The following PMFBP1 variants were observed in gnomAD, a reference collection of about 807,000 sequenced individuals.
PMFBP1 encodes polyamine modulated factor 1 binding protein 1, also known as polyamine-modulated factor 1-binding protein 1.
In PMFBP1, 131 loss-of-function variants were observed where a neutral mutation model predicts 137.8. The ratio of observed to expected loss-of-function variants is 0.95; its 90% CI spans 0.82 to 1.10. The LOEUF (loss-of-function observed/expected upper bound fraction) is 1.10, where lower values mean the gene tolerates loss of function less well. Ranked by LOEUF, PMFBP1 falls within the 50% of genes least tolerant of loss-of-function variation. The probability of loss-of-function intolerance (pLI) is 0.00; values close to 1 mark genes in which losing one functional copy is unlikely to be tolerated. For synonymous variants in PMFBP1, 490 were observed against 450.4 expected (o/e 1.09, Z -1.11); for missense variants, 1,199 against 1,175.4 (o/e 1.02, Z -0.29).
chr16:72,160,838 T>C (rs1240298998), intron 3 of PMFBP1, among the ~76,000 whole-genome samples: 1 of 152,222 alleles, frequency 6.6e-6, no homozygotes, highest in Non-Finnish European at 1.5e-5. Context: ...ATTTGTGATA[T>C]GTATTCTTGG....
chr16:72,178,103 G>C (rs2043264668), upstream of PMFBP1, among the ~76,000 whole-genome samples: 1 of 152,062 alleles, frequency 6.6e-6, no homozygotes, highest in African/African-American at 2.4e-5. Context: ...ATGTTGCCAA[G>C]GCTAGTCTCA....
the PMFBP1 span, among the ~76,000 whole-genome samples, chr16:72,241,009 C>G: frequency 0.48 from 72,502 of 151,594 alleles, 18,728 homozygotes; most frequent in African/African-American, 0.67. Flanking sequence ...GGAGGGACTA[C>G]TTAACCTTGG....
At chr16:72,119,391 A>T (rs2042342560) in intron 20 of PMFBP1, 37 bp from the exon 21 acceptor site, 1 of 1,614,030 alleles carries the variant, frequency 6.2e-7, no homozygotes, top group Admixed American at 1.7e-5. Flanking sequence ...TTTTGATTCG[A>T]GGAGAAATTA....
chr16:72,205,962 C>G, the PMFBP1 span, among the ~76,000 whole-genome samples: 1 of 152,132 alleles, frequency 6.6e-6, no homozygotes, highest in Non-Finnish European at 1.5e-5. Context: ...ACAACAAACA[C>G]ACACACACAG....
At chr16:72,118,826 T>C (rs895488165), downstream of PMFBP1, among the ~76,000 whole-genome samples, 8 of 152,020 alleles carry the variant, frequency 5.3e-5, no homozygotes, top group Non-Finnish European at 1.2e-4. Flanking sequence ...TTGCTCTTCC[T>C]TTCTTTGGGG....
Position 72,125,219 on chromosome 16 carries a change from G to A in PMFBP1, c.2421+19C>T. On this transcript the variant is annotated intron_variant, in intron 16 of 20. Coordinates refer to ENST00000237353, the MANE Select transcript of PMFBP1 (RefSeq NM_031293.3). ...GACCCCTACCAGGAAGGCAGCCCAA[G>A]CCCCTGGCAGCTCCTCACCTCCAGC... 4 of 1,608,468 alleles carry A rather than the reference G, an allele frequency of 2.5e-6. No homozygotes were observed. The highest frequency in any genetic ancestry group is 3.4e-6 in the Non-Finnish European group (4 of 1,178,158).
At chr16:72,224,850 T>A in the PMFBP1 span, 1 of 152,220 alleles carries the variant, frequency 6.6e-6, no homozygotes, top group African/African-American at 2.4e-5. Context: ...CTCCCGAGAT[T>A]CCAGGATCCC....
At chr16:72,211,045 GA>G in the PMFBP1 span, among the ~76,000 whole-genome samples, 1 of 152,154 alleles carries the variant, frequency 6.6e-6, no homozygotes, top group Admixed American at 6.5e-5. Flanking sequence ...CACCTTAGAG[GA>G]CAGATTAGTA....
At chr16:72,195,723 G>C in the PMFBP1 span, among the ~76,000 whole-genome samples, 1 of 152,192 alleles carries the variant, frequency 6.6e-6, no homozygotes, top group African/African-American at 2.4e-5. Flanking sequence ...TCACATTGGA[G>C]CGTTCTCAGG....
At chr16:72,172,955 G>A (rs1391483513), upstream of PMFBP1, among the ~76,000 whole-genome samples, 1 of 152,184 alleles carries the variant, frequency 6.6e-6, no homozygotes, top group Non-Finnish European at 1.5e-5. Flanking sequence ...AAAGTGAAGA[G>A]CAGTAACACG....
At position 72,136,813 on chromosome 16, in the gene PMFBP1, T is replaced by A. The variant is rs2042640057; in HGVS notation, c.925A>T (p.Lys309Ter). ...EECEDIKKIL[K>*]HLQEQKDSQC... ...CTGTCTTTCTGCTCCTGCAAGTGCTTCAGTATCTGGCAGATGGAAGAACAG... is the reference window on the plus strand; with the variant it reads ...CTGTCTTTCTGCTCCTGCAAGTGCTACAGTATCTGGCAGATGGAAGAACAG... Residue 309 changes from lysine (K) to a stop codon, truncating the protein, a stop_gained, in exon 8 of 21, where the codon AAG becomes TAG. Transcript: ENST00000237353. LOFTEE classifies it high-confidence loss of function. The A allele has an allele frequency of 6.2e-7, 1 of 1,614,004 alleles. No homozygotes were observed. Among genetic ancestry groups the A allele is most frequent in the African/African-American group, 1.3e-5 (1 of 74,916 alleles).
the PMFBP1 span, among the ~76,000 whole-genome samples, chr16:72,198,205 C>T: frequency 1.3e-5 from 2 of 152,256 alleles, no homozygotes; most frequent in East Asian, 3.9e-4. Flanking sequence ...GAGCAGATCG[C>T]ACCAAGTCAC....
intron 5 of PMFBP1, among the ~76,000 whole-genome samples, chr16:72,145,687 A>G (rs1386785987): frequency 6.6e-6 from 1 of 152,232 alleles, no homozygotes; most frequent in African/African-American, 2.4e-5. Context: ...ATAAAAAATG[A>G]TAAGGGGGAC....
At chr16:72,133,450 A>G (rs1211192865) in intron 9 of PMFBP1, among the ~76,000 whole-genome samples, 2 of 151,990 alleles carry the variant, frequency 1.3e-5, no homozygotes, top group African/African-American at 4.8e-5. Flanking sequence ...AAGTGTTGGG[A>G]TTACAGGTCT....
intron 5 of PMFBP1, among the ~76,000 whole-genome samples, chr16:72,144,556 T>C (rs1363299823): frequency 6.6e-6 from 1 of 152,186 alleles, no homozygotes; most frequent in Non-Finnish European, 1.5e-5. Flanking sequence ...GGCCACTGGA[T>C]ATTTATTTAA....
chr16:72,184,091 C>T, the PMFBP1 span, among the ~76,000 whole-genome samples: 1 of 152,188 alleles, frequency 6.6e-6, no homozygotes, highest in African/African-American at 2.4e-5. Context: ...AGATTTCCTC[C>T]TGCTCTTCTG....
chr16:72,210,532 C>G, the PMFBP1 span, among the ~76,000 whole-genome samples: 1 of 152,206 alleles, frequency 6.6e-6, no homozygotes, highest in African/African-American at 2.4e-5. Context: ...GGGGACACCT[C>G]AGATCCCCAA....
chr16:72,152,844 C>CA (rs34108768), intron 4 of PMFBP1, among the ~76,000 whole-genome samples: 1,616 of 63,546 alleles, frequency 0.025, 8 homozygotes, highest in East Asian at 0.036. Context: ...GACTTCGTCT[C>CA]AAAAAAAAAA....
chr16:72,125,104 G>C, intron 16 of PMFBP1, 134 bp downstream of exon 16: 1 of 1,400,398 alleles, frequency 7.1e-7, no homozygotes, highest in Non-Finnish European at 9.7e-7. Flanking sequence ...TCTGTCTGAA[G>C]TTCAGGGAGC....
Sources: gnomAD v4.1 joint callset for allele counts (sites outside exome capture counted in the v4.1 genomes callset) on GRCh38, gnomAD v4.1.1 for gene constraint, MANE v1.5 for transcripts, NCBI Gene and HGNC (gene_info 2026-07-23, HGNC 2026-07-21) for gene names.